The following COL6A2 variants were observed in gnomAD, a reference collection of about 807,000 sequenced individuals.
The protein encoded by COL6A2 is collagen type VI alpha 2 chain.
Under a neutral mutation model 124.9 loss-of-function variants are expected in COL6A2, and 90 were observed. The observed-to-expected ratio is 0.72, with a 90% CI of 0.61 to 0.86. COL6A2 has a LOEUF of 0.86. COL6A2 is among the 40% of genes least tolerant of loss of function. The probability of loss-of-function intolerance (pLI) is 0.00; values close to 1 mark genes in which losing one functional copy is unlikely to be tolerated. For synonymous variants in COL6A2, 793 were observed against 618.2 expected, an observed-to-expected ratio of 1.28 and a Z score of -4.19; for missense variants, 1,607 against 1,502.5, an observed-to-expected ratio of 1.07 and a Z score of -1.15.
chr21:46,125,451 T>C lies in COL6A2; in HGVS notation c.1817-14T>C. On this transcript the variant is annotated splice_polypyrimidine_tract_variant and intron_variant, in intron 24 of 27. Transcript: ENST00000300527. ...TCTCCCCGGTACCCCCCGATGACCCTGCCACCCCCCCAGACTGTGAGAAGC... is the reference window on the plus strand; with the variant it reads ...TCTCCCCGGTACCCCCCGATGACCCCGCCACCCCCCCAGACTGTGAGAAGC... 6.2e-7 allele frequency: 1 copy of C among 1,608,710 alleles called. No individual in the cohort carries two copies. The highest frequency in any genetic ancestry group is 8.5e-7 in the Non-Finnish European group (1 of 1,177,644).
chr21:46,126,865 C>G (rs538815810), intron 27 of COL6A2, among the ~76,000 whole-genome samples: 2 of 152,314 alleles, frequency 1.3e-5, no homozygotes, highest in Admixed American at 1.3e-4. Context: ...TGCCGCCCAG[C>G]TCCCATGGGC....
intron 1 of COL6A2, among the ~76,000 whole-genome samples, chr21:46,099,887 G>GTTTTTTT (rs2078269010): frequency 1.3e-4 from 8 of 61,412 alleles, no homozygotes; most frequent in Non-Finnish European, 2.5e-4. Flanking sequence ...TAGCAGCACT[G>GTTTTTTT]TCTTTTTTTT....
At chr21:46,129,752 T>C (rs996648994) in intron 27 of COL6A2, 5 of 1,347,584 alleles carry the variant, frequency 3.7e-6, no homozygotes, top group African/African-American at 2.9e-5. Flanking sequence ...GGTCATTGAA[T>C]TTAAGGCCCA....
chr21:46,127,641 C>T (rs1033489935), intron 27 of COL6A2, among the ~76,000 whole-genome samples: 1 of 152,166 alleles, frequency 6.6e-6, no homozygotes, highest in Non-Finnish European at 1.5e-5. Context: ...TCCACCCACC[C>T]CCTCGTTCCT....
At chr21:46,127,642 C>T (rs530327067) in intron 27 of COL6A2, among the ~76,000 whole-genome samples, 1 of 152,136 alleles carries the variant, frequency 6.6e-6, no homozygotes, top group South Asian at 2.1e-4. Context: ...CCACCCACCC[C>T]CTCGTTCCTG....
intron 4 of COL6A2, chr21:46,113,027 C>T: frequency 3.0e-6 from 2 of 673,526 alleles, no homozygotes; most frequent in East Asian, 2.7e-5. Context: ...CCGTGAGGGT[C>T]AGCGTTAGGG....
At chr21:46,131,609 A>G (rs1456583885) in intron 27 of COL6A2, among the ~76,000 whole-genome samples, 1 of 152,178 alleles carries the variant, frequency 6.6e-6, no homozygotes, top group Non-Finnish European at 1.5e-5. Context: ...TTTTGTGGGC[A>G]GCAAATTCTT....
intron 27 of COL6A2, chr21:46,129,021 C>G (rs926782689): frequency 3.1e-5 from 50 of 1,603,620 alleles, no homozygotes; most frequent in African/African-American, 4.0e-5. Flanking sequence ...GCTCACTGCC[C>G]CCACGCCTCC....
In COL6A2 at chr21:46,126,514, G is replaced by A. The variant is rs746393019; in HGVS notation, c.2434G>A (p.Val812Met). Residue 812 changes from valine to methionine, a missense_variant, in exon 27 of 28, where the codon GTG becomes ATG. This residue lies in a region of COL6A2 where 1,223 missense variants were observed against 1,052.2 expected (regional missense o/e 1.16). Transcript: ENST00000300527. The part of the protein sequence containing the change: ...EDVLCPDPQI[V>M]CPDLPCQTEL... ...CTCCTCTCTTCCAGACCCTCAGATC[G>A]TGTGCCCAGACCTTCCCTGCCAAAC... 1.2e-5 allele frequency: 19 copies of A among 1,612,190 alleles called. No homozygotes were observed. The highest frequency in any genetic ancestry group is 6.7e-5 in the East Asian group (3 of 44,850).
At chr21:46,122,643 G>A (rs2078585149) in intron 20 of COL6A2, 112 bp downstream of exon 20, 9 of 1,285,736 alleles carry the variant, frequency 7.0e-6, no homozygotes, top group Non-Finnish European at 1.0e-5. Context: ...TCTTGAGATG[G>A]TCCTGGCTCC....
At position 46,132,284 on chromosome 21, in the gene COL6A2, G is replaced by A; in HGVS notation, c.2792G>A (p.Ser931Asn). 1 of 1,606,644 alleles carries A rather than the reference G, an allele frequency of 6.2e-7. No homozygotes were observed. The highest frequency in any genetic ancestry group is 1.7e-4 in the Middle Eastern group (1 of 6,058). The stretch of plus-strand genomic sequence containing the variant: ...CACGCCATCAATGCCATCGTGCGCA[G>A]CCCGCGTGGCGGGGCCCGGAGGCAC... ...VVHAINAIVR[S>N]PRGGARRHAE... The change falls in exon 28 of 28, where the codon AGC (serine) becomes AAC (asparagine). Residue 931 changes from serine (S) to asparagine (N), a missense_variant. Physicochemically the swap from Ser to Asn is conservative, Grantham distance 46. This residue lies in a region of COL6A2 where 1,223 missense variants were observed against 1,052.2 expected (regional missense o/e 1.16). Coordinates refer to ENST00000300527, the MANE Select transcript of COL6A2 (RefSeq NM_001849.4).
intron 1 of COL6A2, 60 bp from the exon 2 acceptor site, chr21:46,111,388 TGG>T: frequency 3.2e-6 from 3 of 935,062 alleles, no homozygotes; most frequent in South Asian, 1.4e-5. Context: ...GCGCCTGCCA[TGG>T]GGGAGGGTGC....
At position 46,119,264 on chromosome 21, in the gene COL6A2, T is replaced by C. The variant is rs947732008; in HGVS notation, c.1269+145T>C. 7 of 710,412 alleles carry C rather than the reference T, an allele frequency of 9.9e-6. No homozygotes were observed. In the Middle Eastern group the frequency reaches 1.2e-3, roughly 118 times the overall value. The allele number at this position is 710,412 out of a possible 1,614,324, so 44.0% of individuals were successfully genotyped here. On this transcript the variant is annotated intron_variant, in intron 14 of 27. Coordinates refer to ENST00000300527, the MANE Select transcript of COL6A2 (RefSeq NM_001849.4). ...GCCAGGCCCCCATCCTCCCAAGAAG[T>C]GGACCCGGACCACCCCACGGGACCC...
intron 26 of COL6A2, 81 bp from the exon 27 acceptor site, chr21:46,126,422 T>C: frequency 6.3e-7 from 1 of 1,587,422 alleles, no homozygotes; most frequent in South Asian, 1.1e-5. Flanking sequence ...CCTGAGCCTG[T>C]CTAGGCAGAT....
In COL6A2 at chr21:46,129,845, C is replaced by T. The variant is rs147759327; in HGVS notation, c.2462-2109C>T. 5.6e-4 allele frequency: 601 copies of T among 1,074,842 alleles called. 1 individual carries two copies. The African/African-American group carries it at 5.7e-3, about 10-fold the overall frequency. The allele number at this position is 1,074,842 out of a possible 1,614,324, so 66.6% of individuals were successfully genotyped here. On this transcript the variant is annotated intron_variant, in intron 27 of 27. Coordinates refer to ENST00000300527, the MANE Select transcript of COL6A2 (RefSeq NM_001849.4). ...TCTTTGCTGCATCAGGTCACCCTCA[C>T]AGGCTCCAGGGTTTGGGTGTGGAAG...
rs1331326816 is a variant in COL6A2 at position 46,129,498 on chromosome 21, G to A, written c.2462-2456G>A. The A allele has an allele frequency of 2.6e-6, 4 of 1,561,572 alleles. No individual in the cohort carries two copies. In the South Asian group the frequency reaches 3.5e-5, roughly 14 times the overall value. The stretch of plus-strand genomic sequence containing the variant: ...CGCGCTGGCCCTCTGCTAAAGCCCG[G>A]GCACCCGCCCAGCCGGGCTGGGCCC... On this transcript the variant is annotated intron_variant, in intron 27 of 27. Coordinates refer to ENST00000300527, the MANE Select transcript of COL6A2 (RefSeq NM_001849.4).
chr21:46,098,485 G>T (rs1227769153), intron 1 of COL6A2, among the ~76,000 whole-genome samples: 3 of 151,702 alleles, frequency 2.0e-5, no homozygotes, highest in African/African-American at 7.3e-5. Flanking sequence ...GCCCGAGCTC[G>T]GTGCTGGGAC....
At chr21:46,131,299 C>T (rs915445583) in intron 27 of COL6A2, among the ~76,000 whole-genome samples, 7 of 152,256 alleles carry the variant, frequency 4.6e-5, no homozygotes, top group African/African-American at 1.7e-4. Context: ...GGCCCCCAAG[C>T]TGTCCCCGAT....
Position 46,125,632 on chromosome 21 carries a change from G to A in COL6A2, c.1969+15G>A, listed in dbSNP as rs751838026. The A allele has an allele frequency of 6.2e-7, 1 of 1,611,716 alleles. No individual in the cohort carries two copies. Among genetic ancestry groups the A allele is most frequent in the South Asian group, 1.1e-5 (1 of 90,986 alleles). ...GTCCGAGACAGGTCAGCGGGGCAGG[G>A]GCGGGTGCAGCATTGCGGGGGGCCG... On this transcript the variant is annotated intron_variant, in intron 25 of 27. Coordinates refer to ENST00000300527, the MANE Select transcript of COL6A2 (RefSeq NM_001849.4).
Sources: allele counts gnomAD v4.1 joint callset (sites outside exome capture counted in the v4.1 genomes callset), GRCh38; gene constraint gnomAD v4.1.1; regional missense constraint gnomAD v4.1.1; transcripts MANE v1.5; gene names NCBI Gene and HGNC (gene_info 2026-07-23, HGNC 2026-07-21).